The following SH3GL3 variants were observed in gnomAD, a reference collection of about 807,000 sequenced individuals.
SH3GL3 encodes endophilin-A3.
SH3GL3 carries 33 observed loss-of-function variants against 47.7 expected under a neutral mutation model. The ratio of observed to expected loss-of-function variants is 0.69; its 90% confidence interval spans 0.52 to 0.92. SH3GL3 has a LOEUF of 0.92. Among genes scored for constraint, SH3GL3 ranks in the 40% least tolerant of loss-of-function variants. The pLI, the probability that SH3GL3 is intolerant of heterozygous loss-of-function variation, is 0.00. For missense variants in SH3GL3, 363 were observed against 417.8 expected (o/e 0.87, Z 1.14); for synonymous variants, 155 against 148.8 (o/e 1.04, Z -0.30).
intron 1 of SH3GL3, among the ~76,000 whole-genome samples, chr15:83,535,830 A>G (rs1350781716): frequency 6.6e-6 from 1 of 152,206 alleles, no homozygotes; most frequent in Non-Finnish European, 1.5e-5. Flanking sequence ...CTTTTTAGGA[A>G]ACTTTAGAGA....
chr15:83,616,478 G>A lies in SH3GL3; in HGVS notation c.839-1604G>A, dbSNP rs183005579. 8.5e-3 allele frequency among the ~76,000 whole-genome samples: 1,287 copies of A among 152,006 alleles called. 17 individuals are homozygous for A. The highest frequency in any genetic ancestry group is 0.011 in the Non-Finnish European group (752 of 67,966). ...ACTGTGTTCTCGATCTCCTGAACTCGTGATCCGCCCGCCTCAGCCTCCCAA... is the reference window on the plus strand; with the variant it reads ...ACTGTGTTCTCGATCTCCTGAACTCATGATCCGCCCGCCTCAGCCTCCCAA... On this transcript the variant is annotated intron_variant, in intron 8 of 8. Coordinates refer to ENST00000427482, the MANE Select transcript of SH3GL3 (RefSeq NM_003027.5).
intron 1 of SH3GL3, among the ~76,000 whole-genome samples, chr15:83,503,695 G>A (rs2042378800): frequency 6.6e-6 from 1 of 152,140 alleles, no homozygotes; most frequent in African/African-American, 2.4e-5. Context: ...TTTCACATTT[G>A]TGTTCCCAAC....
At chr15:83,515,804 A>G (rs1162313633) in intron 1 of SH3GL3, among the ~76,000 whole-genome samples, 1 of 152,204 alleles carries the variant, frequency 6.6e-6, no homozygotes, top group Non-Finnish European at 1.5e-5. Context: ...GTCATGGATA[A>G]CGTTTTGCTG....
chr15:83,569,281 C>G lies in SH3GL3; in HGVS notation c.331+609C>G, dbSNP rs142268032. Among the ~76,000 whole-genome samples, 73 of 152,266 alleles carry G rather than the reference C, an allele frequency of 4.8e-4. No homozygotes were observed. In the East Asian group the frequency reaches 9.3e-3, roughly 19 times the overall value. On this transcript the variant is annotated intron_variant, in intron 4 of 8. Coordinates refer to ENST00000427482, the MANE Select transcript of SH3GL3 (RefSeq NM_003027.5). ...CTACAGTAAGGCTATAGTACATATA[C>G]TCTTTGGTAACACTGACTATATAAT...
At chr15:83,523,331 C>T (rs2151657046) in intron 1 of SH3GL3, among the ~76,000 whole-genome samples, 1 of 152,276 alleles carries the variant, frequency 6.6e-6, no homozygotes, top group East Asian at 1.9e-4. Flanking sequence ...ACACCTGCCC[C>T]TCAGAAGAGT....
intron 1 of SH3GL3, among the ~76,000 whole-genome samples, chr15:83,555,951 G>A (rs1203248801): frequency 6.6e-6 from 1 of 151,914 alleles, no homozygotes; most frequent in African/African-American, 2.4e-5. Context: ...TTCTTTTTTT[G>A]ATATTTAATT....
chr15:83,583,854 G>T (rs773884617), intron 6 of SH3GL3, among the ~76,000 whole-genome samples: 43 of 152,014 alleles, frequency 2.8e-4, no homozygotes, highest in Non-Finnish European at 5.6e-4. Flanking sequence ...AGCCACGATG[G>T]GCCCATTACC....
At chr15:83,628,467 G>T in the SH3GL3 span, among the ~76,000 whole-genome samples, 1 of 152,234 alleles carries the variant, frequency 6.6e-6, no homozygotes, top group African/African-American at 2.4e-5. Context: ...AATGGGCTGA[G>T]CGTGGTGGCT....
At chr15:83,619,601 A>C (rs757899826), downstream of SH3GL3, among the ~76,000 whole-genome samples, 1 of 152,214 alleles carries the variant, frequency 6.6e-6, no homozygotes, top group African/African-American at 2.4e-5. Context: ...GCTGTAGTCT[A>C]TTAAATGGGT....
chr15:83,479,354 G>A (rs973632011), intron 1 of SH3GL3, among the ~76,000 whole-genome samples: 2 of 152,048 alleles, frequency 1.3e-5, no homozygotes, highest in African/African-American at 2.4e-5. Flanking sequence ...TGTGTGTGGT[G>A]TTGATGTTGT....
chr15:83,621,555 G>A (rs922723825), downstream of SH3GL3, among the ~76,000 whole-genome samples: 5 of 152,116 alleles, frequency 3.3e-5, no homozygotes, highest in African/African-American at 1.2e-4. Context: ...AAAGATCACT[G>A]ATCACAGATT....
Position 83,572,713 on chromosome 15 carries a change from G to C in SH3GL3, c.465+15G>C. On this transcript the variant is annotated intron_variant, in intron 5 of 8. Transcript: ENST00000427482. Reference sequence around the variant, plus strand: ...AAGAGATCGGGGTAAGTCTTCCAGGGTATAAATATACCTGTTGCTACATAA... The same window carrying C: ...AAGAGATCGGGGTAAGTCTTCCAGGCTATAAATATACCTGTTGCTACATAA... 1 of 1,566,228 alleles carries C rather than the reference G, an allele frequency of 6.4e-7. No individual in the cohort carries two copies. The highest frequency in any genetic ancestry group is 8.8e-7 in the Non-Finnish European group (1 of 1,141,406).
At chr15:83,516,723 C>T (rs1458442376) in intron 1 of SH3GL3, among the ~76,000 whole-genome samples, 1 of 152,082 alleles carries the variant, frequency 6.6e-6, no homozygotes, top group African/African-American at 2.4e-5. Flanking sequence ...TGATCAAACA[C>T]CTCCCACCAG....
chr15:83,583,480 C>T (rs1392747045), intron 6 of SH3GL3, among the ~76,000 whole-genome samples: 2 of 152,206 alleles, frequency 1.3e-5, no homozygotes, highest in South Asian at 2.1e-4. Context: ...TTGCAGTTGG[C>T]TCACAAGGCC....
the SH3GL3 span, among the ~76,000 whole-genome samples, chr15:83,628,213 G>C: frequency 1.3e-5 from 2 of 152,118 alleles, no homozygotes; most frequent in Non-Finnish European, 2.9e-5. Flanking sequence ...GAAATGTTTA[G>C]AGAAAATCCC....
intron 8 of SH3GL3, among the ~76,000 whole-genome samples, chr15:83,604,229 A>C (rs72760395): frequency 0.13 from 20,225 of 152,114 alleles, 1,564 homozygotes; most frequent in South Asian, 0.25. Flanking sequence ...TCCCTCCTTC[A>C]ATGCCAGTAT....
intron 1 of SH3GL3, among the ~76,000 whole-genome samples, chr15:83,459,278 C>A (rs953709699): frequency 3.3e-5 from 5 of 152,218 alleles, no homozygotes; most frequent in Non-Finnish European, 5.9e-5. Flanking sequence ...TCCACTGGCT[C>A]AAATGTTAAT....
intron 1 of SH3GL3, among the ~76,000 whole-genome samples, chr15:83,464,793 T>G (rs2040484439): frequency 6.6e-6 from 1 of 152,074 alleles, no homozygotes; most frequent in Non-Finnish European, 1.5e-5. Flanking sequence ...CCCCCATGAT[T>G]GTAGTAGCCT....
chr15:83,463,411 T>C (rs1382840031), intron 1 of SH3GL3, among the ~76,000 whole-genome samples: 1 of 152,118 alleles, frequency 6.6e-6, no homozygotes, highest in East Asian at 1.9e-4. Flanking sequence ...AATAAAAGCT[T>C]CCTCTTACCA....
Sources: gnomAD v4.1 joint callset for allele counts (sites outside exome capture counted in the v4.1 genomes callset) on GRCh38, gnomAD v4.1.1 for gene constraint, MANE v1.5 for transcripts, NCBI Gene and HGNC (gene_info 2026-07-23, HGNC 2026-07-21) for gene names.